Variants in PTPRD observed in about 807,000 individuals in gnomAD.
The protein encoded by PTPRD is protein tyrosine phosphatase receptor type D.
In PTPRD, 34 loss-of-function variants were observed where a neutral mutation model predicts 214.5. The ratio of observed to expected loss-of-function variants is 0.16; its 90% CI spans 0.12 to 0.21. The LOEUF is 0.21. Ranked by LOEUF, PTPRD falls within the 10% of genes least tolerant of loss-of-function variation. PTPRD has a pLI of 1.00. For missense variants in PTPRD, 2,545 were observed against 2,398.7 expected (o/e 1.06, Z -1.27); for synonymous variants, 1,128 against 845.7 (o/e 1.33, Z -5.79).
intron 12 of PTPRD, among the ~76,000 whole-genome samples, chr9:8,665,067 TA>T (rs369395031): frequency 2.6e-5 from 4 of 152,166 alleles, no homozygotes; most frequent in Non-Finnish European, 5.9e-5. Flanking sequence ...GCAATAAAAG[TA>T]AAGCAGCAAA....
chr9:9,855,729 G>A lies in PTPRD; in HGVS notation c.-368+82778C>T, dbSNP rs142151629. ...GGAGAGTGGGTGCAGGAGCCAGGGCGAACACTTTTGGGAGCTGGGAGGAGC... is the reference window on the plus strand; with the variant it reads ...GGAGAGTGGGTGCAGGAGCCAGGGCAAACACTTTTGGGAGCTGGGAGGAGC... On this transcript the variant is annotated intron_variant, in intron 5 of 45. Coordinates refer to ENST00000381196, the MANE Select transcript of PTPRD (RefSeq NM_002839.4). Among the ~76,000 whole-genome samples, 17 of 152,268 alleles carry A rather than the reference G, an allele frequency of 1.1e-4. No individual in the cohort carries two copies. In the East Asian group the frequency reaches 2.7e-3, roughly 24 times the overall value.
At chr9:10,454,813 ACACACACACACACACATGCACATG>A (rs2098893666) in intron 2 of PTPRD, among the ~76,000 whole-genome samples, 1 of 150,766 alleles carries the variant, frequency 6.6e-6, no homozygotes, top group Non-Finnish European at 1.5e-5. Context: ...AAATGTTTAC[ACACACACACACACACATGCACATG>A]CACACACACA....
intron 3 of PTPRD, among the ~76,000 whole-genome samples, chr9:10,036,775 G>T (rs961709125): frequency 2.0e-5 from 3 of 151,836 alleles, no homozygotes; most frequent in African/African-American, 7.3e-5. Context: ...GTAGAGACAG[G>T]GTTTCATCAT....
rs907243155 is a variant in PTPRD at position 10,259,063 on chromosome 9, C to A, written c.-545+81900G>T. ...TTTGAGACGGAGTCTCACTCTGTCG[C>A]CCAGGCTGGAGTGCAGTGGCGCCAT... is the stretch of plus-strand genomic sequence containing the variant. On this transcript the variant is annotated intron_variant, in intron 3 of 45. Coordinates refer to ENST00000381196, the MANE Select transcript of PTPRD (RefSeq NM_002839.4). Among the ~76,000 whole-genome samples, 89 of 152,138 alleles carry A rather than the reference C, an allele frequency of 5.8e-4. 1 individual carries two copies. Among genetic ancestry groups the A allele is most frequent in the Admixed American group, 4.4e-3 (68 of 15,286 alleles).
intron 8 of PTPRD, among the ~76,000 whole-genome samples, chr9:9,566,304 G>A (rs2084510355): frequency 6.6e-6 from 1 of 151,964 alleles, no homozygotes; most frequent in Non-Finnish European, 1.5e-5. Context: ...TGATATATAT[G>A]AAGGTAAATT....
chr9:9,453,188 C>G (rs539524237), intron 8 of PTPRD, among the ~76,000 whole-genome samples: 1 of 151,518 alleles, frequency 6.6e-6, no homozygotes, highest in East Asian at 1.9e-4. Context: ...TAATGTTATG[C>G]CGGACATATT....
intron 44 of PTPRD, among the ~76,000 whole-genome samples, chr9:8,325,728 C>T (rs1018861742): frequency 1.3e-5 from 2 of 152,128 alleles, no homozygotes; most frequent in Non-Finnish European, 2.9e-5. Context: ...ATGGAATGTT[C>T]TTCCATTTGT....
rs898398261 is a variant in PTPRD at position 8,317,583 on chromosome 9, G to T, written c.*291C>A. ...CTGAATAAGATGGTGGTTCTTTGCT[G>T]TGATTTCTTCTTCCCTTGATTTTGA... On this transcript the variant is annotated 3_prime_UTR_variant, in exon 46 of 46. Coordinates refer to ENST00000381196, the MANE Select transcript of PTPRD (RefSeq NM_002839.4). 2.2e-5 allele frequency: 7 copies of T among 320,960 alleles called. No homozygotes were observed. Among genetic ancestry groups the T allele is most frequent in the African/African-American group, 1.4e-4 (7 of 48,778 alleles). 19.9% of individuals were successfully genotyped at this position (320,960 alleles called of 1,614,324 possible).
intron 2 of PTPRD, among the ~76,000 whole-genome samples, chr9:10,609,295 C>A (rs993225305): frequency 7.2e-5 from 11 of 151,878 alleles, no homozygotes; most frequent in African/African-American, 2.7e-4. Context: ...TCAGAATTTT[C>A]TAAAAAGACA....
chr9:10,579,162 T>C (rs1238219737), intron 2 of PTPRD, among the ~76,000 whole-genome samples: 1 of 152,154 alleles, frequency 6.6e-6, no homozygotes, highest in Non-Finnish European at 1.5e-5. Context: ...TGAGATCATG[T>C]CCTTTGCAGG....
chr9:9,858,692 T>C (rs1479751423), intron 5 of PTPRD, among the ~76,000 whole-genome samples: 1 of 152,044 alleles, frequency 6.6e-6, no homozygotes, highest in African/African-American at 2.4e-5. Flanking sequence ...TTAAGAATGA[T>C]ATAATGAAAA....
At chr9:9,971,091 C>T (rs1022776305) in intron 4 of PTPRD, among the ~76,000 whole-genome samples, 4 of 151,942 alleles carry the variant, frequency 2.6e-5, no homozygotes, top group Non-Finnish European at 5.9e-5. Context: ...CTATTTGTCA[C>T]CCTGCCTAAA....
At chr9:8,472,836 G>A (rs139387852) in intron 30 of PTPRD, among the ~76,000 whole-genome samples, 35 of 152,250 alleles carry the variant, frequency 2.3e-4, no homozygotes, top group East Asian at 1.7e-3. Flanking sequence ...GCATTCTGGT[G>A]AAGAATATGG....
intron 9 of PTPRD, among the ~76,000 whole-genome samples, chr9:9,197,297 C>T (rs187798777): frequency 4.0e-4 from 61 of 152,228 alleles, no homozygotes; most frequent in Non-Finnish European, 6.2e-4. Context: ...CATAGTTCCC[C>T]GATGGCTTGT....
At position 8,500,963 on chromosome 9, in the gene PTPRD, C is replaced by T. The variant is rs141920894; in HGVS notation, c.1919G>A (p.Gly640Asp). ...WQPPPVEKQNGIITEYSIKYT... is the reference protein window; with the variant it reads ...WQPPPVEKQNDIITEYSIKYT... ...CTTGATGGAGTATTCAGTGATAATGCCATTCTGTTTTTCCACTGGTGGAGG... is the reference window on the plus strand; with the variant it reads ...CTTGATGGAGTATTCAGTGATAATGTCATTCTGTTTTTCCACTGGTGGAGG... Residue 640 changes from glycine (G) to aspartate (D), a missense_variant, in exon 24 of 46, where the codon GGC (glycine) becomes GAC (aspartate). Transcript: ENST00000381196. 1.5e-5 allele frequency: 24 copies of T among 1,614,006 alleles called. 1 individual carries two copies. The African/African-American group carries it at 2.5e-4, about 17-fold the overall frequency.
intron 2 of PTPRD, among the ~76,000 whole-genome samples, chr9:10,346,555 A>G (rs2097087196): frequency 6.6e-6 from 1 of 152,268 alleles, no homozygotes; most frequent in South Asian, 2.1e-4. Flanking sequence ...AAGTGATATT[A>G]GAATTCCAGA....
At chr9:10,059,624 AT>A (rs1360421623) in intron 3 of PTPRD, among the ~76,000 whole-genome samples, 1 of 152,080 alleles carries the variant, frequency 6.6e-6, no homozygotes, top group Non-Finnish European at 1.5e-5. Context: ...CTTGTCTTTT[AT>A]TATTTTCTCT....
intron 21 of PTPRD, among the ~76,000 whole-genome samples, chr9:8,509,926 C>T (rs971424792): frequency 5.9e-5 from 9 of 152,204 alleles, no homozygotes; most frequent in East Asian, 3.9e-4. Flanking sequence ...GGGTTCTCTC[C>T]TGTTCTTTCC....
At chr9:10,537,218 T>A (rs932900660) in intron 2 of PTPRD, among the ~76,000 whole-genome samples, 1 of 152,192 alleles carries the variant, frequency 6.6e-6, no homozygotes, top group Non-Finnish European at 1.5e-5. Context: ...AAGAAATGAT[T>A]TAAAAAATCT....
Sources: gnomAD v4.1 joint callset for allele counts (sites outside exome capture counted in the v4.1 genomes callset) on GRCh38, gnomAD v4.1.1 for gene constraint, MANE v1.5 for transcripts, NCBI Gene and HGNC (gene_info 2026-07-23, HGNC 2026-07-21) for gene names.